The following IL1RAPL1 variants were observed in gnomAD, a reference collection of about 807,000 sequenced individuals.
IL1RAPL1 encodes interleukin-1 receptor accessory protein-like 1.
A neutral mutation model predicts 48.4 loss-of-function variants in IL1RAPL1; 3 were observed. The observed-to-expected ratio is 0.06, with a 90% CI of 0.03 to 0.16. The LOEUF (loss-of-function observed/expected upper bound fraction) is 0.16, where lower values mean the gene tolerates loss of function less well. IL1RAPL1 is among the 10% of genes least tolerant of loss of function. The pLI, the probability that IL1RAPL1 is intolerant of heterozygous loss-of-function variation, is 1.00. For synonymous variants in IL1RAPL1, 185 were observed against 187.7 expected, an observed-to-expected ratio of 0.99 and a Z score of 0.12; for missense variants, 349 against 530.6, an observed-to-expected ratio of 0.66 and a Z score of 3.36.
chrX:29,399,782 G>C (rs1289463606), intron 5 of IL1RAPL1, among the ~76,000 whole-genome samples: 3 of 107,091 alleles, frequency 2.8e-5, no homozygotes, highest in Non-Finnish European at 5.8e-5. Context: ...TCGTGCCATT[G>C]CACTCCAGCC....
chrX:29,347,941 G>A (rs1399337632), intron 3 of IL1RAPL1, among the ~76,000 whole-genome samples: 1 of 111,483 alleles, frequency 9.0e-6, no homozygotes, highest in Non-Finnish European at 1.9e-5. Flanking sequence ...CATGGTTCAT[G>A]TTTTGGGCAG....
intron 6 of IL1RAPL1, among the ~76,000 whole-genome samples, chrX:29,766,336 A>ATATATATATAT (rs1365549290): frequency 1.3e-5 from 1 of 78,142 alleles, no homozygotes; most frequent in African/African-American, 6.0e-5. Context: ...TCAAAAAAAA[A>ATATATATATAT]AAAAAAATAT....
intron 5 of IL1RAPL1, among the ~76,000 whole-genome samples, chrX:29,435,265 T>C (rs1934469761): frequency 9.0e-6 from 1 of 111,315 alleles, no homozygotes; most frequent in Non-Finnish European, 1.9e-5. Context: ...CCATGAACAT[T>C]TGTGTACAAG....
chrX:28,643,909 C>T (rs1368200595), intron 1 of IL1RAPL1, among the ~76,000 whole-genome samples: 5 of 111,777 alleles, frequency 4.5e-5, no homozygotes, highest in Non-Finnish European at 9.4e-5. Flanking sequence ...CAGCTCTGGT[C>T]CTGAGTTTAC....
At chrX:29,333,063 G>C (rs1366678550) in intron 3 of IL1RAPL1, among the ~76,000 whole-genome samples, 1 of 112,201 alleles carries the variant, frequency 8.9e-6, no homozygotes, top group Admixed American at 9.3e-5. Context: ...ACACAGACCC[G>C]GCAACCATCC....
chrX:29,616,760 T>C (rs1425628706), intron 5 of IL1RAPL1, among the ~76,000 whole-genome samples: 2 of 111,049 alleles, frequency 1.8e-5, no homozygotes, highest in Admixed American at 1.9e-4. Flanking sequence ...CGATGCTGAC[T>C]GGGGAACTCT....
intron 1 of IL1RAPL1, among the ~76,000 whole-genome samples, chrX:28,593,798 C>T (rs966264454): frequency 1.4e-4 from 15 of 110,762 alleles, no homozygotes; most frequent in South Asian, 3.8e-4. Flanking sequence ...CTAATCAAAA[C>T]GAGTTACCTT....
At chrX:29,480,902 T>C (rs1935035920) in intron 5 of IL1RAPL1, among the ~76,000 whole-genome samples, 1 of 111,776 alleles carries the variant, frequency 8.9e-6, no homozygotes, top group South Asian at 3.7e-4. Context: ...TTGAAAAAAA[T>C]CTTTTACTTG....
intron 6 of IL1RAPL1, among the ~76,000 whole-genome samples, chrX:29,723,016 TC>T (rs939968834): frequency 6.3e-5 from 7 of 111,976 alleles, no homozygotes; most frequent in African/African-American, 2.3e-4. Flanking sequence ...GTTTTTTGGA[TC>T]ATATTTCTAA....
At chrX:29,411,867 CTTCT>C (rs1216307659) in intron 5 of IL1RAPL1, among the ~76,000 whole-genome samples, 1 of 111,146 alleles carries the variant, frequency 9.0e-6, no homozygotes, top group African/African-American at 3.3e-5. Context: ...ATGAAATTCC[CTTCT>C]TTATTTGCAC....
chrX:29,823,723 T>C, intron 6 of IL1RAPL1, among the ~76,000 whole-genome samples: 1 of 112,043 alleles, frequency 8.9e-6, no homozygotes, highest in Middle Eastern at 4.6e-3. Context: ...TGATGAATAT[T>C]GAGGTGTCAT....
chrX:29,461,458 G>A (rs1028103741), intron 5 of IL1RAPL1, among the ~76,000 whole-genome samples: 2 of 111,245 alleles, frequency 1.8e-5, no homozygotes, highest in African/African-American at 6.5e-5. Flanking sequence ...ATACAAAAAT[G>A]TACTGTGTAT....
intron 3 of IL1RAPL1, among the ~76,000 whole-genome samples, chrX:29,325,950 C>G (rs1307803980): frequency 9.0e-6 from 1 of 111,277 alleles, no homozygotes; most frequent in Non-Finnish European, 1.9e-5. Flanking sequence ...AGTGAGGACT[C>G]ATTCATTATT....
chrX:29,248,236 C>G (rs765007905), intron 2 of IL1RAPL1, among the ~76,000 whole-genome samples: 5 of 110,787 alleles, frequency 4.5e-5, no homozygotes, highest in Non-Finnish European at 9.5e-5. Flanking sequence ...GCCAACATAG[C>G]GAAACCCCCT....
At chrX:29,239,637 C>A (rs966219896) in intron 2 of IL1RAPL1, among the ~76,000 whole-genome samples, 3 of 111,899 alleles carry the variant, frequency 2.7e-5, no homozygotes, top group African/African-American at 9.7e-5. Flanking sequence ...ACGTGGCCTG[C>A]GGGCTGCATG....
intron 6 of IL1RAPL1, among the ~76,000 whole-genome samples, chrX:29,732,096 T>C (rs1303062281): frequency 8.9e-6 from 1 of 111,806 alleles, no homozygotes; most frequent in East Asian, 2.8e-4. Context: ...ACATCAGATA[T>C]TTACTATCCT....
At chrX:28,633,936 A>G (rs1037711419) in intron 1 of IL1RAPL1, among the ~76,000 whole-genome samples, 17 of 111,949 alleles carry the variant, frequency 1.5e-4, no homozygotes, top group African/African-American at 4.9e-4. Flanking sequence ...TCAATAGCTG[A>G]TAAAAAAGTT....
At chrX:28,860,702 G>A (rs1569187674) in intron 2 of IL1RAPL1, among the ~76,000 whole-genome samples, 2 of 109,743 alleles carry the variant, frequency 1.8e-5, no homozygotes, top group African/African-American at 6.6e-5. Context: ...CAGGTGATCC[G>A]CCCCCCCGCT....
chrX:28,806,058 T>A (rs1323583130), intron 2 of IL1RAPL1, among the ~76,000 whole-genome samples: 1 of 111,260 alleles, frequency 9.0e-6, no homozygotes, highest in Non-Finnish European at 1.9e-5. Context: ...TGAGGAATGA[T>A]CTCTATATAG....
Sources: allele counts gnomAD v4.1 joint callset (sites outside exome capture counted in the v4.1 genomes callset), GRCh38; gene constraint gnomAD v4.1.1; transcripts MANE v1.5; gene names NCBI Gene and HGNC (gene_info 2026-07-23, HGNC 2026-07-21).